Variants in KCNQ1 observed in about 807,000 individuals in gnomAD.
KCNQ1 encodes potassium voltage-gated channel subfamily Q member 1.
In KCNQ1, 49 loss-of-function variants were observed where a neutral mutation model predicts 72.4. The observed-to-expected ratio is 0.68, with a 90% CI of 0.54 to 0.86. The LOEUF is 0.86. Ranked by LOEUF, KCNQ1 falls within the 40% of genes least tolerant of loss-of-function variation. The probability of loss-of-function intolerance (pLI) is 0.00; values close to 1 mark genes in which losing one functional copy is unlikely to be tolerated. For missense variants in KCNQ1, 790 were observed against 945.1 expected, an observed-to-expected ratio of 0.84 and a Z score of 2.15; for synonymous variants, 450 against 412.6, an observed-to-expected ratio of 1.09 and a Z score of -1.10.
At position 2,658,110 on chromosome 11, in the gene KCNQ1, CA is replaced by C. The variant is rs764022178; in HGVS notation, c.1394-3843del. 2 of 398,134 alleles carry C rather than the reference CA, an allele frequency of 5.0e-6. No homozygotes were observed. Among genetic ancestry groups the C allele is most frequent in the Admixed American group, 8.8e-5 (2 of 22,704 alleles). The allele number at this position is 398,134 out of a possible 1,614,324, so 24.7% of individuals were successfully genotyped here. On this transcript the variant is annotated intron_variant, in intron 10 of 15. Coordinates refer to ENST00000155840, the MANE Select transcript of KCNQ1 (RefSeq NM_000218.3). This position sits in a 1 kb window ranked among gnomAD's most constrained non-coding sequence, Gnocchi z 4.9. ...AACTCTACCTCCTGCAGGAGAGTAT[CA>C]AAAAAAATCTGCAAATATGTTAAAA...
rs1848216449 is a variant in KCNQ1 at position 2,564,331 on chromosome 11, T to C, written c.478-6297T>C. Among the ~76,000 whole-genome samples, 1 of 152,206 alleles carries C rather than the reference T, an allele frequency of 6.6e-6. No individual in the cohort carries two copies. On this transcript the variant is annotated intron_variant, in intron 2 of 15. Coordinates refer to ENST00000155840, the MANE Select transcript of KCNQ1 (RefSeq NM_000218.3). This position sits in a 1 kb window ranked among gnomAD's most constrained non-coding sequence, Gnocchi z 4.5. ...ATATAAGGCCAGGCGCGGTGACTCA[T>C]GCCTGCAATCCCAGCACTTTGGAAG...
At chr11:2,641,894 TTTC>T (rs1564842618) in intron 10 of KCNQ1, 10 of 398,532 alleles carry the variant, frequency 2.5e-5, no homozygotes, top group Non-Finnish European at 4.4e-5. Flanking sequence ...AGGGTGCTCT[TTTC>T]CCAGTGTATG....
At chr11:2,570,504 C>T (rs1848313516) in intron 2 of KCNQ1, 124 bp from the exon 3 acceptor site, 6 of 1,321,168 alleles carry the variant, frequency 4.5e-6, no homozygotes, top group Non-Finnish European at 6.3e-6. Context: ...AGGACCCGGG[C>T]CTGCTGTTCT....
At position 2,606,927 on chromosome 11, in the gene KCNQ1, G is replaced by C. The variant is rs1291017293; in HGVS notation, c.1393+18073G>C. ...TTTTTTTTTTTTTTTTTTTGAGACA[G>C]AGTCTCGCTCTGTCACCCAGGCTGG... On this transcript the variant is annotated intron_variant, in intron 10 of 15. Coordinates refer to ENST00000155840, the MANE Select transcript of KCNQ1 (RefSeq NM_000218.3). Among the ~76,000 whole-genome samples, 9 of 115,166 alleles carry C rather than the reference G, an allele frequency of 7.8e-5. No individual in the cohort carries two copies. In the South Asian group the frequency reaches 2.3e-3, roughly 29 times the overall value. The allele number at this position is 115,166 out of a possible 152,430, so 75.6% of individuals were successfully genotyped here.
rs1412460686 is a variant in KCNQ1, at chr11:2,552,575, G to A, written c.478-18053G>A. Among the ~76,000 whole-genome samples the A allele has an allele frequency of 3.1e-4, 47 of 152,058 alleles. 1 individual carries two copies. Among genetic ancestry groups the A allele is most frequent in the Non-Finnish European group, 5.9e-5 (4 of 68,014 alleles). On this transcript the variant is annotated intron_variant, in intron 2 of 15. Transcript: ENST00000155840. ...CTCATGAATATCTTAGAATCAGCTC[G>A]TCAATTCTACCAAAAAAAAAATTGG... is the stretch of plus-strand genomic sequence containing the variant.
chr11:2,765,978 T>C (rs1164689342), intron 11 of KCNQ1, among the ~76,000 whole-genome samples: 1 of 152,202 alleles, frequency 6.6e-6, no homozygotes. Flanking sequence ...AAGTCTATTT[T>C]CTTTTCATGC....
At chr11:2,643,955 G>A (rs1849622318) in intron 10 of KCNQ1, 3 of 398,380 alleles carry the variant, frequency 7.5e-6, no homozygotes, top group Non-Finnish European at 1.3e-5. Context: ...TAAAGTTTCT[G>A]CTGAAAAATC....
chr11:2,692,573 G>A (rs1332661122), intron 11 of KCNQ1: 1 of 398,806 alleles, frequency 2.5e-6, no homozygotes, highest in African/African-American at 2.1e-5. Context: ...CCCCAAGGGA[G>A]TTTTTCAGAC....
At chr11:2,741,084 C>T (rs1387829882) in intron 11 of KCNQ1, among the ~76,000 whole-genome samples, 1 of 152,188 alleles carries the variant, frequency 6.6e-6, no homozygotes, top group Non-Finnish European at 1.5e-5. Flanking sequence ...CTGTGTCTCC[C>T]TGCAGCCCCT....
chr11:2,511,137 G>A (rs756556924), intron 1 of KCNQ1, among the ~76,000 whole-genome samples: 12 of 152,182 alleles, frequency 7.9e-5, no homozygotes, highest in East Asian at 1.9e-4. Context: ...CACACACTAC[G>A]TGCCTCCTGG....
At position 2,593,600 on chromosome 11, in the gene KCNQ1, C is replaced by T. The variant is rs1848697725; in HGVS notation, c.1393+4746C>T. Reference sequence around the variant, plus strand: ...GAAGTGGGGCAGCGTGCTGGAGGAGCATGCATCACATACCCAGAGGTCCCC... The same window carrying T: ...GAAGTGGGGCAGCGTGCTGGAGGAGTATGCATCACATACCCAGAGGTCCCC... On this transcript the variant is annotated intron_variant, in intron 10 of 15. Coordinates refer to ENST00000155840, the MANE Select transcript of KCNQ1 (RefSeq NM_000218.3). The surrounding 1 kb of genome is among the most constrained non-coding windows in gnomAD (Gnocchi z 6.9). Among the ~76,000 whole-genome samples the T allele has an allele frequency of 1.3e-5, 2 of 152,174 alleles. No homozygotes were observed.
chr11:2,609,952 T>C, intron 10 of KCNQ1: 1 of 398,084 alleles, frequency 2.5e-6, no homozygotes, highest in Non-Finnish European at 4.4e-6. Flanking sequence ...ATCCTGTTTT[T>C]CAAATCTGGT....
rs548894580 is a variant in KCNQ1, at chr11:2,471,680, G to C, written c.386+26196G>C. 6.6e-6 allele frequency among the ~76,000 whole-genome samples: 1 copy of C among 152,018 alleles called. No homozygotes were observed. The highest frequency in any genetic ancestry group is 2.4e-5 in the African/African-American group (1 of 41,428). ...TGGGTGTGTGCATGGGTGTGCACAT[G>C]TGTATGGGTGTGCATGTGTGTATAG... On this transcript the variant is annotated intron_variant, in intron 1 of 15. Coordinates refer to ENST00000155840, the MANE Select transcript of KCNQ1 (RefSeq NM_000218.3). The surrounding 1 kb of genome is among the most constrained non-coding windows in gnomAD (Gnocchi z 4.8).
At chr11:2,480,868 C>T (rs879723903) in intron 1 of KCNQ1, among the ~76,000 whole-genome samples, 3 of 152,200 alleles carry the variant, frequency 2.0e-5, no homozygotes, top group Admixed American at 1.3e-4. Flanking sequence ...GGCATGGTGT[C>T]TCCAAGGGCT....
rs1195870209 is a variant in KCNQ1, at chr11:2,746,390, C to A, written c.1515-22454C>A. 6.6e-6 allele frequency among the ~76,000 whole-genome samples: 1 copy of A among 152,202 alleles called. No homozygotes were observed. The highest frequency in any genetic ancestry group is 2.4e-5 in the African/African-American group (1 of 41,450). On this transcript the variant is annotated intron_variant, in intron 11 of 15. Transcript: ENST00000155840. This position sits in a 1 kb window ranked among gnomAD's most constrained non-coding sequence, Gnocchi z 5.9. ...CTGTTAACTGAGTCCATGCTTGATG[C>A]AGATTTCCTCAGTTTCCCTACTGTC...
intron 10 of KCNQ1, chr11:2,614,246 G>A (rs2133794615): frequency 2.5e-6 from 1 of 398,484 alleles, no homozygotes; most frequent in Non-Finnish European, 4.4e-6. Flanking sequence ...CTGCTGCTCT[G>A]GACTACCTAT....
chr11:2,517,711 G>T (rs551087921), intron 1 of KCNQ1, among the ~76,000 whole-genome samples: 1 of 152,270 alleles, frequency 6.6e-6, no homozygotes, highest in Non-Finnish European at 1.5e-5. Flanking sequence ...TTTGGCCAGT[G>T]GGACCATGGC....
In KCNQ1 at chr11:2,463,200, C is replaced by T. The variant is rs1013307793; in HGVS notation, c.386+17716C>T. On this transcript the variant is annotated intron_variant, in intron 1 of 15. Transcript: ENST00000155840. This position sits in a 1 kb window ranked among gnomAD's most constrained non-coding sequence, Gnocchi z 7.0. ...TGGCTCAGCCTCTCCCGGCTGTGAC[C>T]TTGGGGGACCATTGACTTTACTGTG... 2.6e-5 allele frequency among the ~76,000 whole-genome samples: 4 copies of T among 152,128 alleles called. No individual in the cohort carries two copies. Among genetic ancestry groups the T allele is most frequent in the Non-Finnish European group, 4.4e-5 (3 of 68,020 alleles).
In KCNQ1 at chr11:2,543,926, G is replaced by A. The variant is rs1161347970; in HGVS notation, c.477+15908G>A. ...GTTTATCATAAAATTGTCTCTTTCTGGACACTCTACTGTGATCCGTTGATC... is the reference window on the plus strand; with the variant it reads ...GTTTATCATAAAATTGTCTCTTTCTAGACACTCTACTGTGATCCGTTGATC... On this transcript the variant is annotated intron_variant, in intron 2 of 15. Coordinates refer to ENST00000155840, the MANE Select transcript of KCNQ1 (RefSeq NM_000218.3). The surrounding 1 kb of genome is among the most constrained non-coding windows in gnomAD (Gnocchi z 5.6). Among the ~76,000 whole-genome samples the A allele has an allele frequency of 6.6e-6, 1 of 152,016 alleles. No homozygotes were observed. The highest frequency in any genetic ancestry group is 1.5e-5 in the Non-Finnish European group (1 of 68,018).
Sources: allele counts gnomAD v4.1 joint callset (sites outside exome capture counted in the v4.1 genomes callset), GRCh38; gene constraint gnomAD v4.1.1; non-coding constraint Gnocchi (gnomAD v3.1); transcripts MANE v1.5; gene names NCBI Gene and HGNC (gene_info 2026-07-23, HGNC 2026-07-21).